Variants in ADAMTS5 observed in about 807,000 individuals in gnomAD.
The protein encoded by ADAMTS5 is A disintegrin and metalloproteinase with thrombospondin motifs 5.
In ADAMTS5, 54 loss-of-function variants were observed where a neutral mutation model predicts 81.4. The ratio of observed to expected loss-of-function variants is 0.66; its 90% CI spans 0.53 to 0.83. The LOEUF (loss-of-function observed/expected upper bound fraction) is 0.83, where lower values mean the gene tolerates loss of function less well. Among genes scored for constraint, ADAMTS5 ranks in the 40% least tolerant of loss-of-function variants. ADAMTS5 has a pLI of 0.00. For missense variants in ADAMTS5, 1,194 were observed against 1,229.9 expected, an observed-to-expected ratio of 0.97 and a Z score of 0.44; for synonymous variants, 532 against 508.8, an observed-to-expected ratio of 1.05 and a Z score of -0.61.
At position 26,963,641 on chromosome 21, in the gene ADAMTS5, C is replaced by CAAAAAAAAAAAAAAAAAAAA. The variant is rs533760778; in HGVS notation, c.1104+1627_1104+1646dup. 6.7e-5 allele frequency among the ~76,000 whole-genome samples: 2 copies of CAAAAAAAAAAAAAAAAAAAA among 30,020 alleles called. 1 individual carries two copies. The highest frequency in any genetic ancestry group is 1.4e-4 in the Non-Finnish European group (2 of 14,206). The allele number at this position is 30,020 out of a possible 152,430, so 19.7% of individuals were successfully genotyped here. ...ACCCCAGACACGGAAAGTTGCTTAC[C>CAAAAAAAAAAAAAAAAAAAA]AAAAAAAAAAAAAAAAAAAAAAAAA... is the stretch of plus-strand genomic sequence containing the variant. On this transcript the variant is annotated intron_variant, in intron 1 of 7. Coordinates refer to ENST00000284987, the MANE Select transcript of ADAMTS5 (RefSeq NM_007038.5).
intron 4 of ADAMTS5, 122 bp downstream of exon 4, chr21:26,934,344 C>T: frequency 7.6e-7 from 1 of 1,317,372 alleles, no homozygotes; most frequent in Non-Finnish European, 1.0e-6. Flanking sequence ...CTAAATAAAC[C>T]TCAAAATGAA....
Position 26,965,418 on chromosome 21 carries a change from T to G in ADAMTS5, c.974A>C (p.Asp325Ala), listed in dbSNP as rs1017752278. 1.2e-6 allele frequency: 2 copies of G among 1,614,248 alleles called. No individual in the cohort carries two copies. The highest frequency in any genetic ancestry group is 3.3e-5 in the Admixed American group (2 of 60,030). ...GTTCTTGCTCACTTCCAGGCTCTTGTCCTTGTCGCCTAGCACCACCACCTT... is the reference window on the plus strand; with the variant it reads ...GTTCTTGCTCACTTCCAGGCTCTTGGCCTTGTCGCCTAGCACCACCACCTT... ...VVKVVVLGDKDKSLEVSKNAA... is the reference protein window; with the variant it reads ...VVKVVVLGDKAKSLEVSKNAA... Residue 325 changes from aspartate to alanine, a missense_variant, in exon 1 of 8, where the codon GAC (aspartate) becomes GCC (alanine). Coordinates refer to ENST00000284987, the MANE Select transcript of ADAMTS5 (RefSeq NM_007038.5).
rs939890708 is a variant in ADAMTS5 at position 26,967,039 on chromosome 21, C to A, written c.-648G>T. On this transcript the variant is annotated 5_prime_UTR_variant, in exon 1 of 8. Coordinates refer to ENST00000284987, the MANE Select transcript of ADAMTS5 (RefSeq NM_007038.5). The stretch of plus-strand genomic sequence containing the variant: ...TCGGCTGCGGTCTCCTCCTGCCCGC[C>A]GTCATCCCCAGTCGGCAGCTGCGAG... 1.3e-5 allele frequency among the ~76,000 whole-genome samples: 2 copies of A among 152,238 alleles called. No individual in the cohort carries two copies. Among genetic ancestry groups the A allele is most frequent in the Non-Finnish European group, 2.9e-5 (2 of 68,046 alleles).
chr21:26,936,555 A>T (rs528342398), intron 3 of ADAMTS5, among the ~76,000 whole-genome samples: 1 of 152,310 alleles, frequency 6.6e-6, no homozygotes, highest in South Asian at 2.1e-4. Flanking sequence ...AATTTCTTCA[A>T]AGTGAATACC....
intron 2 of ADAMTS5, among the ~76,000 whole-genome samples, chr21:26,945,000 A>G (rs538883801): frequency 6.6e-5 from 10 of 152,270 alleles, no homozygotes; most frequent in African/African-American, 2.4e-4. Flanking sequence ...TTCTCCCACC[A>G]CCACTTAACA....
At chr21:26,959,862 T>G (rs538290409) in intron 1 of ADAMTS5, among the ~76,000 whole-genome samples, 3 of 152,174 alleles carry the variant, frequency 2.0e-5, no homozygotes, top group Non-Finnish European at 4.4e-5. Flanking sequence ...GACTTCTAAC[T>G]GGTCCCTTTT....
chr21:26,956,863 C>T (rs1028683598), intron 1 of ADAMTS5, among the ~76,000 whole-genome samples: 2 of 152,180 alleles, frequency 1.3e-5, no homozygotes, highest in African/African-American at 2.4e-5. Context: ...ATCAATTGCT[C>T]ATTAGAGGCC....
intron 6 of ADAMTS5, among the ~76,000 whole-genome samples, chr21:26,931,191 T>G (rs1439120124): frequency 1.3e-5 from 2 of 151,862 alleles, no homozygotes; most frequent in Non-Finnish European, 1.5e-5. Context: ...GGATTACAGG[T>G]GTGTGCCACC....
rs188271922 is a variant in ADAMTS5 at position 26,918,820 on chromosome 21, C to G, written c.*5233G>C. ...TGCAAAGCTTGAAAAAAAATCAGGC[C>G]AAATATACACGACAGTTTGAATGGA... is the stretch of plus-strand genomic sequence containing the variant. On this transcript the variant is annotated 3_prime_UTR_variant, in exon 8 of 8. Coordinates refer to ENST00000284987, the MANE Select transcript of ADAMTS5 (RefSeq NM_007038.5). 6.6e-6 allele frequency: 1 copy of G among 151,846 alleles called. No individual in the cohort carries two copies. Among genetic ancestry groups the G allele is most frequent in the East Asian group, 1.9e-4 (1 of 5,160 alleles). 9.4% of individuals were successfully genotyped at this position (151,846 alleles called of 1,614,324 possible).
At chr21:26,931,171 C>T (rs557660318) in intron 6 of ADAMTS5, among the ~76,000 whole-genome samples, 11 of 152,066 alleles carry the variant, frequency 7.2e-5, no homozygotes, top group African/African-American at 1.7e-4. Flanking sequence ...CTCAGCCTCC[C>T]GAGTAGCTGG....
rs112955042 is a variant in ADAMTS5 at position 26,923,356 on chromosome 21, G to C, written c.*697C>G. On this transcript the variant is annotated 3_prime_UTR_variant, in exon 8 of 8. Coordinates refer to ENST00000284987, the MANE Select transcript of ADAMTS5 (RefSeq NM_007038.5). ...GTCAAAGGTTTAAGTAAATGAACCC[G>C]TGTATGTATTTAAGTGACTAGATAC... 6.6e-6 allele frequency: 1 copy of C among 152,032 alleles called. No homozygotes were observed. Among genetic ancestry groups the C allele is most frequent in the Non-Finnish European group, 1.5e-5 (1 of 68,014 alleles). The allele number at this position is 152,032 out of a possible 1,614,324, so 9.4% of individuals were successfully genotyped here.
chr21:26,921,527 G>A lies in ADAMTS5; in HGVS notation c.*2526C>T, dbSNP rs1283131866. The stretch of plus-strand genomic sequence containing the variant: ...TTAAAAAATTCAAGATGCAACAATG[G>A]AAAGGTGAAAGACAGTACGAAGTCA... On this transcript the variant is annotated 3_prime_UTR_variant, in exon 8 of 8. Transcript: ENST00000284987. 1.3e-5 allele frequency: 2 copies of A among 151,554 alleles called. No individual in the cohort carries two copies. Among genetic ancestry groups the A allele is most frequent in the Non-Finnish European group, 2.9e-5 (2 of 67,814 alleles). The allele number at this position is 151,554 out of a possible 1,614,324, so 9.4% of individuals were successfully genotyped here.
chr21:26,966,291 G>A lies in ADAMTS5; in HGVS notation c.101C>T (p.Pro34Leu). ...ATPAQDKAGQ[P>L]PTAAAAAQPR... ...CTGGGCGGCTGCTGCAGCAGTCGGA[G>A]GCTGCCCGGCTTTATCCTGGGCAGG... The change falls in exon 1 of 8, where the codon CCT (proline) becomes CTT (leucine). Residue 34 changes from proline to leucine, a missense_variant. Coordinates refer to ENST00000284987, the MANE Select transcript of ADAMTS5 (RefSeq NM_007038.5). 2 of 1,545,834 alleles carry A rather than the reference G, an allele frequency of 1.3e-6. No homozygotes were observed. The highest frequency in any genetic ancestry group is 1.7e-6 in the Non-Finnish European group (2 of 1,151,532).
chr21:26,948,502 G>T (rs1417348473), intron 2 of ADAMTS5, among the ~76,000 whole-genome samples: 1 of 152,180 alleles, frequency 6.6e-6, no homozygotes, highest in East Asian at 1.9e-4. Flanking sequence ...GAGGTGCACG[G>T]TCTTGCCAGG....
In ADAMTS5 at chr21:26,924,621, C is replaced by T; in HGVS notation, c.2226-1G>A. 6.2e-7 allele frequency: 1 copy of T among 1,601,584 alleles called. No individual in the cohort carries two copies. The highest frequency in any genetic ancestry group is 1.1e-5 in the South Asian group (1 of 89,406). On this transcript the variant is annotated splice_acceptor_variant, in intron 7 of 7. Coordinates refer to ENST00000284987, the MANE Select transcript of ADAMTS5 (RefSeq NM_007038.5). LOFTEE classifies it high-confidence loss of function. ...CCTCACCACGTCAGTGTAACCCTTA[C>T]TGGAAGTAGGAATGTTCACAGGAAG...
chr21:26,935,920 T>A (rs1453224835), intron 3 of ADAMTS5, among the ~76,000 whole-genome samples: 1 of 152,214 alleles, frequency 6.6e-6, no homozygotes, highest in East Asian at 1.9e-4. Context: ...CACACTATTC[T>A]CCATTCTTTA....
intron 3 of ADAMTS5, among the ~76,000 whole-genome samples, chr21:26,938,108 C>T (rs545235967): frequency 4.0e-5 from 6 of 151,898 alleles, no homozygotes; most frequent in African/African-American, 1.4e-4. Context: ...GGTGTGGTGG[C>T]GGGCGCCTGT....
At position 26,965,470 on chromosome 21, in the gene ADAMTS5, C is replaced by G. The variant is rs1254466571; in HGVS notation, c.922G>C (p.Glu308Gln). The G allele has an allele frequency of 3.1e-6, 5 of 1,614,242 alleles. No individual in the cohort carries two copies. The highest frequency in any genetic ancestry group is 2.2e-5 in the South Asian group (2 of 91,086). ...ANRLYSHASI[E>Q]NHIRLAVVKV... ...ACCACGGCCAGGCGGATGTGGTTCTCGATGCTAGCATGGCTGTACAGCCTA... is the reference window on the plus strand; with the variant it reads ...ACCACGGCCAGGCGGATGTGGTTCTGGATGCTAGCATGGCTGTACAGCCTA... The change falls in exon 1 of 8, where the codon GAG becomes CAG. Residue 308 changes from glutamate to glutamine, a missense_variant. Transcript: ENST00000284987.
chr21:26,926,207 G>A (rs1444955710), intron 7 of ADAMTS5, among the ~76,000 whole-genome samples: 1 of 152,214 alleles, frequency 6.6e-6, no homozygotes, highest in Non-Finnish European at 1.5e-5. Flanking sequence ...GGTCTTGGCT[G>A]CAGTGAGTGC....
Sources: allele counts gnomAD v4.1 joint callset (sites outside exome capture counted in the v4.1 genomes callset), GRCh38; gene constraint gnomAD v4.1.1; transcripts MANE v1.5; gene names NCBI Gene and HGNC (gene_info 2026-07-23, HGNC 2026-07-21).